TMEM63C: variants seen among roughly 807,000 people sequenced by gnomAD.
The protein encoded by TMEM63C is osmosensitive cation channel TMEM63C.
A neutral mutation model predicts 99.2 loss-of-function variants in TMEM63C; 32 were observed. The observed-to-expected ratio is 0.32, with a 90% CI of 0.24 to 0.43. The LOEUF is 0.43. Among genes scored for constraint, TMEM63C ranks in the 20% least tolerant of loss-of-function variants. TMEM63C has a pLI of 1.00. For synonymous variants in TMEM63C, 376 were observed against 397.9 expected (o/e 0.94, Z 0.66); for missense variants, 826 against 1,053.0 (o/e 0.78, Z 2.98).
intron 19 of TMEM63C, 77 bp downstream of exon 19, chr14:77,248,586 A>C: frequency 6.5e-7 from 1 of 1,539,816 alleles, no homozygotes; most frequent in Non-Finnish European, 8.8e-7. Context: ...TGCTAGAAGC[A>C]CCAAGGGGGT....
chr14:77,252,120 A>G (rs1045698011), intron 22 of TMEM63C, among the ~76,000 whole-genome samples: 2 of 151,192 alleles, frequency 1.3e-5, no homozygotes, highest in African/African-American at 4.9e-5. Context: ...TCTGGCCCCC[A>G]TCCAGAAGAC....
chr14:77,219,579 T>C lies in TMEM63C; in HGVS notation c.230+2T>C. On this transcript the variant is annotated splice_donor_variant, in intron 4 of 23. Coordinates refer to ENST00000298351, the MANE Select transcript of TMEM63C (RefSeq NM_020431.4). LOFTEE classifies it high-confidence loss of function. ...GGCTCTGCTGATACACAATGACAGGTGAGGAGGGGTCGAGATGGGTGAGCC... is the reference window on the plus strand; with the variant it reads ...GGCTCTGCTGATACACAATGACAGGCGAGGAGGGGTCGAGATGGGTGAGCC... 1.9e-6 allele frequency: 3 copies of C among 1,613,678 alleles called. No individual in the cohort carries two copies. The highest frequency in any genetic ancestry group is 2.5e-6 in the Non-Finnish European group (3 of 1,179,782).
chr14:77,249,572 A>G, intron 21 of TMEM63C, 114 bp downstream of exon 21: 1 of 1,230,312 alleles, frequency 8.1e-7, no homozygotes, highest in Non-Finnish European at 1.1e-6. Flanking sequence ...GACGCTGCTC[A>G]CCAGACCTGG....
chr14:77,206,221 A>T (rs764559844), intron 1 of TMEM63C, among the ~76,000 whole-genome samples: 1 of 44,722 alleles, frequency 2.2e-5, no homozygotes, highest in Non-Finnish European at 4.7e-5. Flanking sequence ...TGATCCATTG[A>T]GGGGGTGGGG....
chr14:77,212,957 G>A (rs1323382523), intron 1 of TMEM63C, among the ~76,000 whole-genome samples: 2 of 152,206 alleles, frequency 1.3e-5, no homozygotes, highest in Non-Finnish European at 2.9e-5. Flanking sequence ...AACCCCAAAG[G>A]CTGGGATGTG....
chr14:77,187,056 C>T (rs1888014562), intron 1 of TMEM63C, among the ~76,000 whole-genome samples: 1 of 152,202 alleles, frequency 6.6e-6, no homozygotes, highest in Non-Finnish European at 1.5e-5. Flanking sequence ...CTTTAATCCT[C>T]TCCACGCCTT....
At chr14:77,223,634 A>AGT (rs138592430) in intron 5 of TMEM63C, among the ~76,000 whole-genome samples, 6 of 151,332 alleles carry the variant, frequency 4.0e-5, no homozygotes, top group Admixed American at 1.3e-4. Context: ...CAGGGGAGGG[A>AGT]GTGTGTGTGT....
chr14:77,198,893 G>T (rs914095990), intron 1 of TMEM63C, among the ~76,000 whole-genome samples: 2 of 152,164 alleles, frequency 1.3e-5, no homozygotes, highest in African/African-American at 4.8e-5. Flanking sequence ...CCGCAAGGTG[G>T]TATTTTTCTC....
rs1566628063 is a variant in TMEM63C at position 77,236,656 on chromosome 14, C to T, written c.575C>T (p.Ser192Phe). ...SKLLWLHSLL[S>F]FFYFITNFMF... Reference sequence around the variant, plus strand: ...CTCCTGTGGCTGCATAGCCTGCTGTCCTTCTTCTACTTCATCACCAACTTC... The same window carrying T: ...CTCCTGTGGCTGCATAGCCTGCTGTTCTTCTTCTACTTCATCACCAACTTC... The change falls in exon 9 of 24, where the codon TCC becomes TTC. Residue 192 changes from serine (S) to phenylalanine (F), a missense_variant. Ser to Phe is a radical substitution (Grantham distance 155). Transcript: ENST00000298351. 1 of 1,612,796 alleles carries T rather than the reference C, an allele frequency of 6.2e-7. No homozygotes were observed. Among genetic ancestry groups the T allele is most frequent in the Non-Finnish European group, 8.5e-7 (1 of 1,179,354 alleles).
At position 77,253,231 on chromosome 14, in the gene TMEM63C, T is replaced by G. The variant is rs1029856234; in HGVS notation, c.2149-74T>G. Reference sequence around the variant, plus strand: ...GGTGGTGAGAAGCCCAGGTGTGGAGTTGAGGCTCCTCTGGATGAATGGGGA... The same window carrying G: ...GGTGGTGAGAAGCCCAGGTGTGGAGGTGAGGCTCCTCTGGATGAATGGGGA... On this transcript the variant is annotated intron_variant, in intron 22 of 23. Coordinates refer to ENST00000298351, the MANE Select transcript of TMEM63C (RefSeq NM_020431.4). 6.5e-6 allele frequency: 9 copies of G among 1,392,580 alleles called. No homozygotes were observed. The South Asian group carries it at 9.8e-5, about 15-fold the overall frequency. The allele number at this position is 1,392,580 out of a possible 1,614,324, so 86.3% of individuals were successfully genotyped here.
In TMEM63C at chr14:77,251,891, A is replaced by G. The variant is rs1889367170; in HGVS notation, c.2141A>G (p.Asp714Gly). The G allele has an allele frequency of 1.9e-6, 3 of 1,613,104 alleles. No homozygotes were observed. Among genetic ancestry groups the G allele is most frequent in the Admixed American group, 3.3e-5 (2 of 59,998 alleles). Residue 714 changes from aspartate (D) to glycine (G), a missense_variant, in exon 22 of 24, where the codon GAC becomes GGC. Physicochemically the swap from Asp to Gly is moderately conservative, Grantham distance 94. Coordinates refer to ENST00000298351, the MANE Select transcript of TMEM63C (RefSeq NM_020431.4). ...IFLGKLRMVA[D>G]YEPEEEEIQT... ...CTGGGGAAGCTTCGGATGGTTGCCG[A>G]CTACGAGGTGAGTTGCCAGCCTGCC...
At chr14:77,211,483 TG>T (rs1232420519) in intron 1 of TMEM63C, among the ~76,000 whole-genome samples, 2 of 152,258 alleles carry the variant, frequency 1.3e-5, no homozygotes, top group African/African-American at 4.8e-5. Context: ...TAATAAAATT[TG>T]TCCCTCCCTG....
At chr14:77,205,756 G>A (rs12896627) in intron 1 of TMEM63C, among the ~76,000 whole-genome samples, 44,362 of 152,084 alleles carry the variant, frequency 0.29, 7,884 homozygotes, top group East Asian at 0.67. Context: ...GGGGCCAAGA[G>A]GGCCTCCCCT....
chr14:77,240,171 CCT>C (rs1197189995), intron 12 of TMEM63C, among the ~76,000 whole-genome samples: 8 of 152,208 alleles, frequency 5.3e-5, no homozygotes, highest in Admixed American at 5.2e-4. Context: ...AGAGATTCAC[CCT>C]CTCTCGTGGA....
intron 12 of TMEM63C, 85 bp downstream of exon 12, chr14:77,239,811 G>A (rs553829259): frequency 1.6e-4 from 241 of 1,525,272 alleles, no homozygotes; most frequent in Admixed American, 1.9e-4. Context: ...CGCACTGTTG[G>A]GCCCCAGGCC....
At chr14:77,215,477 T>G (rs1349012876) in intron 2 of TMEM63C, among the ~76,000 whole-genome samples, 1 of 151,318 alleles carries the variant, frequency 6.6e-6, no homozygotes, top group Non-Finnish European at 1.5e-5. Context: ...GGTGGGCACC[T>G]GTAGTCCGAG....
At chr14:77,199,151 G>A (rs867430215) in intron 1 of TMEM63C, among the ~76,000 whole-genome samples, 1 of 152,196 alleles carries the variant, frequency 6.6e-6, no homozygotes, top group Non-Finnish European at 1.5e-5. Context: ...AGAATGGTCA[G>A]GACAGACCTC....
chr14:77,253,462 T>C lies in TMEM63C; in HGVS notation c.2220+86T>C, dbSNP rs978384304. 3 of 1,324,438 alleles carry C rather than the reference T, an allele frequency of 2.3e-6. No homozygotes were observed. The African/African-American group carries it at 4.4e-5, about 19-fold the overall frequency. 82.0% of individuals were successfully genotyped at this position (1,324,438 alleles called of 1,614,324 possible). ...AGTGGCATTGTGGGGGATGCCAGCT[T>C]TGCTGCCCACTCTGGGTATGGGGAA... is the stretch of plus-strand genomic sequence containing the variant. On this transcript the variant is annotated intron_variant, in intron 23 of 23. Coordinates refer to ENST00000298351, the MANE Select transcript of TMEM63C (RefSeq NM_020431.4).
At chr14:77,211,828 GATAAGATA>G (rs2140103691) in intron 1 of TMEM63C, among the ~76,000 whole-genome samples, 1 of 152,326 alleles carries the variant, frequency 6.6e-6, no homozygotes, top group African/African-American at 2.4e-5. Context: ...TCTCCCATCA[GATAAGATA>G]TGCAGCTAGG....
Sources: allele counts gnomAD v4.1 joint callset (sites outside exome capture counted in the v4.1 genomes callset), GRCh38; gene constraint gnomAD v4.1.1; transcripts MANE v1.5; gene names NCBI Gene and HGNC (gene_info 2026-07-23, HGNC 2026-07-21).